The following IFT57 variants were observed in gnomAD, a reference collection of about 807,000 sequenced individuals.
The protein encoded by IFT57 is intraflagellar transport protein 57 homolog.
IFT57 carries 59 observed loss-of-function variants against 56.8 expected under a neutral mutation model. That is an observed-to-expected ratio of 1.04 (90% CI 0.84 to 1.29). The LOEUF (loss-of-function observed/expected upper bound fraction) is 1.29. IFT57 is among the 50% of genes most tolerant of loss of function. IFT57 has a pLI of 0.00. For missense variants in IFT57, 470 were observed against 522.1 expected, an observed-to-expected ratio of 0.90 and a Z score of 0.97; for synonymous variants, 209 against 186.1, an observed-to-expected ratio of 1.12 and a Z score of -1.00.
At chr3:108,183,023 AAC>A (rs1351604764) in intron 6 of IFT57, among the ~76,000 whole-genome samples, 3 of 152,174 alleles carry the variant, frequency 2.0e-5, no homozygotes, top group African/African-American at 7.2e-5. Flanking sequence ...AAATCACTAT[AAC>A]ACACAATCAT....
At chr3:108,168,900 G>A (rs1360892664) in intron 6 of IFT57, among the ~76,000 whole-genome samples, 1 of 151,986 alleles carries the variant, frequency 6.6e-6, no homozygotes, top group African/African-American at 2.4e-5. Flanking sequence ...ATCATTGATG[G>A]GGATTTGGAT....
At chr3:108,199,420 G>A in intron 5 of IFT57, among the ~76,000 whole-genome samples, 1 of 152,320 alleles carries the variant, frequency 6.6e-6, no homozygotes, top group Middle Eastern at 3.4e-3. Context: ...TGTTTACAGT[G>A]AGGAAAACGG....
At position 108,218,655 on chromosome 3, in the gene IFT57, T is replaced by C. The variant is rs777608928; in HGVS notation, c.376-2A>G. The C allele has an allele frequency of 2.1e-6, 3 of 1,442,246 alleles. No homozygotes were observed. The highest frequency in any genetic ancestry group is 2.8e-6 in the Non-Finnish European group (3 of 1,068,474). 89.3% of individuals were successfully genotyped at this position (1,442,246 alleles called of 1,614,324 possible). A position where few individuals can be genotyped will look rare whatever the true frequency, so the allele number is the denominator to read the frequency against. ...AGGAGGAAAATCTGCAGTTCTTCCC[T>C]GAAAAACAAAAGAAAAAACAGGGTA... On this transcript the variant is annotated splice_acceptor_variant, in intron 2 of 10. Transcript: ENST00000264538. LOFTEE classifies it high-confidence loss of function.
rs569038877 is a variant in IFT57 at position 108,189,078 on chromosome 3, C to A, written c.777+2443G>T. On this transcript the variant is annotated intron_variant, in intron 6 of 10. Coordinates refer to ENST00000264538, the MANE Select transcript of IFT57 (RefSeq NM_018010.4). ...TGAAAAGAATTTGTTCTGACAAAAC[C>A]AAAAAATCAGAAATCACATTTTTGC... Among the ~76,000 whole-genome samples, 7 of 152,082 alleles carry A rather than the reference C, an allele frequency of 4.6e-5. No individual in the cohort carries two copies. The East Asian group carries it at 1.4e-3, about 29-fold the overall frequency.
chr3:108,211,224 T>C (rs945052480), intron 4 of IFT57, among the ~76,000 whole-genome samples: 1 of 152,190 alleles, frequency 6.6e-6, no homozygotes, highest in Non-Finnish European at 1.5e-5. Context: ...GCCTTTGAAG[T>C]TAAATGTTAA....
chr3:108,185,590 C>T (rs1576037639), intron 6 of IFT57, among the ~76,000 whole-genome samples: 1 of 97,742 alleles, frequency 1.0e-5, no homozygotes, highest in South Asian at 3.4e-4. Flanking sequence ...GATGGAGTTT[C>T]GCTCGTTGCC....
At chr3:108,164,774 G>A (rs978673166) in intron 9 of IFT57, among the ~76,000 whole-genome samples, 1 of 151,940 alleles carries the variant, frequency 6.6e-6, no homozygotes, top group Admixed American at 6.6e-5. Context: ...ATTCTTTCCT[G>A]TCAAAACAGT....
chr3:108,220,642 A>G (rs2080400888), intron 1 of IFT57, among the ~76,000 whole-genome samples: 1 of 152,214 alleles, frequency 6.6e-6, no homozygotes. Flanking sequence ...ACCAATAGAT[A>G]CTGTAAACCT....
intron 4 of IFT57, among the ~76,000 whole-genome samples, chr3:108,208,047 G>GAA (rs869115655): frequency 4.3e-5 from 4 of 92,362 alleles, no homozygotes; most frequent in East Asian, 3.0e-4. Context: ...CGTCTCAAAA[G>GAA]AAAAAAAAAA....
At chr3:108,201,609 T>C (rs907547153) in intron 5 of IFT57, among the ~76,000 whole-genome samples, 4 of 152,130 alleles carry the variant, frequency 2.6e-5, no homozygotes, top group African/African-American at 7.2e-5. Flanking sequence ...CACTCAACTG[T>C]TTTAGGAAAG....
chr3:108,179,302 T>A (rs1324369858), intron 6 of IFT57, among the ~76,000 whole-genome samples: 5 of 151,902 alleles, frequency 3.3e-5, no homozygotes, highest in Non-Finnish European at 4.4e-5. Context: ...TAAAAACTCA[T>A]CTAGGGTCAA....
At chr3:108,218,814 T>C (rs1220075251) in intron 2 of IFT57, among the ~76,000 whole-genome samples, 161 bp from the exon 3 acceptor site, 1 of 152,182 alleles carries the variant, frequency 6.6e-6, no homozygotes, top group East Asian at 1.9e-4. Flanking sequence ...CAAGTCTTTG[T>C]AACCCATTGA....
At chr3:108,191,756 T>C (rs2080216350) in intron 5 of IFT57, 113 bp from the exon 6 acceptor site, 1 of 551,372 alleles carries the variant, frequency 1.8e-6, no homozygotes, top group African/African-American at 2.0e-5. Context: ...GTGTTAAAAT[T>C]ATAGTGGAAG....
chr3:108,206,572 A>T lies in IFT57; in HGVS notation c.654+56T>A, dbSNP rs1277179598. On this transcript the variant is annotated intron_variant, in intron 5 of 10. Transcript: ENST00000264538. ...ACGGTTTCTACTCATTTAAATTTCC[A>T]GCAGAACATGTACATTGATTGCTTG... The T allele has an allele frequency of 2.3e-5, 17 of 747,332 alleles. No homozygotes were observed. The Admixed American group carries it at 5.0e-4, about 22-fold the overall frequency. 46.3% of individuals were successfully genotyped at this position (747,332 alleles called of 1,614,324 possible).
intron 4 of IFT57, among the ~76,000 whole-genome samples, chr3:108,208,135 T>C (rs188004255): frequency 4.5e-4 from 69 of 152,284 alleles, no homozygotes; most frequent in Non-Finnish European, 7.8e-4. Flanking sequence ...AGAAAGATTT[T>C]AGTAAAATAG....
intron 4 of IFT57, among the ~76,000 whole-genome samples, chr3:108,211,874 T>C (rs1304041200): frequency 1.3e-5 from 2 of 152,252 alleles, no homozygotes; most frequent in Non-Finnish European, 2.9e-5. Context: ...GTATTTTACA[T>C]AGTTAATGTT....
chr3:108,206,550 G>A, intron 5 of IFT57, 78 bp downstream of exon 5: 1 of 599,546 alleles, frequency 1.7e-6, no homozygotes. Context: ...GCCAACAACG[G>A]TTTCTACTCA....
At chr3:108,196,694 ATAAT>A (rs1326323441) in intron 5 of IFT57, among the ~76,000 whole-genome samples, 3 of 152,206 alleles carry the variant, frequency 2.0e-5, no homozygotes, top group Non-Finnish European at 4.4e-5. Context: ...CTCGTAGGCC[ATAAT>A]TAATATACTA....
intron 4 of IFT57, among the ~76,000 whole-genome samples, chr3:108,208,180 T>C (rs892656373): frequency 6.6e-6 from 1 of 152,160 alleles, no homozygotes; most frequent in African/African-American, 2.4e-5. Context: ...TACACTCAAG[T>C]GACATTTACT....
Sources: allele counts gnomAD v4.1 joint callset (sites outside exome capture counted in the v4.1 genomes callset), GRCh38; gene constraint gnomAD v4.1.1; transcripts MANE v1.5; gene names NCBI Gene and HGNC (gene_info 2026-07-23, HGNC 2026-07-21).